RUBCN: variants seen among roughly 807,000 people sequenced by gnomAD.
The protein encoded by RUBCN is rubicon autophagy regulator.
Under a neutral mutation model 113.2 loss-of-function variants are expected in RUBCN, and 74 were observed. That is an observed-to-expected ratio of 0.65 (90% CI 0.54 to 0.79). RUBCN has a LOEUF of 0.79. RUBCN is among the 30% of genes least tolerant of loss of function. The probability of loss-of-function intolerance (pLI) is 0.00; values close to 1 mark genes in which losing one functional copy is unlikely to be tolerated. For synonymous variants in RUBCN, 480 were observed against 490.0 expected (o/e 0.98, Z 0.27); for missense variants, 1,109 against 1,251.7 (o/e 0.89, Z 1.72).
At chr3:197,728,458 A>ACAGGGACACC (rs1223582141) in intron 1 of RUBCN, among the ~76,000 whole-genome samples, 4 of 152,220 alleles carry the variant, frequency 2.6e-5, no homozygotes, top group African/African-American at 9.7e-5. Context: ...GAATAATCAA[A>ACAGGGACACC]CAGGGACGGG....
chr3:197,717,547 A>G (rs1277748551), intron 2 of RUBCN, among the ~76,000 whole-genome samples: 2 of 152,030 alleles, frequency 1.3e-5, no homozygotes, highest in African/African-American at 4.8e-5. Flanking sequence ...AAACCTAGAG[A>G]AGCTGGAAAA....
At chr3:197,678,673 C>T (rs1475582412) in intron 16 of RUBCN, among the ~76,000 whole-genome samples, 2 of 151,014 alleles carry the variant, frequency 1.3e-5, no homozygotes, top group East Asian at 2.0e-4. Flanking sequence ...GATTGTCCTA[C>T]GCTCTGACAA....
At chr3:197,690,012 TCAA>T (rs1211146912) in intron 11 of RUBCN, among the ~76,000 whole-genome samples, 1 of 152,370 alleles carries the variant, frequency 6.6e-6, no homozygotes, top group Non-Finnish European at 1.5e-5. Context: ...CTCCATGAGA[TCAA>T]CTTTTTTAGC....
intron 1 of RUBCN, among the ~76,000 whole-genome samples, chr3:197,742,370 G>A (rs1042099827): frequency 1.3e-5 from 2 of 151,978 alleles, no homozygotes; most frequent in Non-Finnish European, 2.9e-5. Context: ...GCGGACGCCT[G>A]TAATCCCAGC....
At chr3:197,715,056 G>A (rs1212963562) in intron 2 of RUBCN, among the ~76,000 whole-genome samples, 12 of 152,172 alleles carry the variant, frequency 7.9e-5, no homozygotes, top group African/African-American at 2.6e-4. Context: ...TTGGGAGGTC[G>A]AGGCAGGCGG....
intron 2 of RUBCN, among the ~76,000 whole-genome samples, chr3:197,717,152 G>C (rs1275240015): frequency 6.6e-6 from 1 of 150,810 alleles, no homozygotes; most frequent in Non-Finnish European, 1.5e-5. Context: ...AGGGGGCAGA[G>C]AGCTGGGTGC....
intron 1 of RUBCN, among the ~76,000 whole-genome samples, chr3:197,719,059 T>A (rs1371436989): frequency 6.6e-6 from 1 of 152,200 alleles, no homozygotes; most frequent in Non-Finnish European, 1.5e-5. Flanking sequence ...TGACACAGTT[T>A]TCCCATGTGC....
chr3:197,701,049 G>T lies in RUBCN; in HGVS notation c.825C>A (p.Ala275=). Reference sequence around the variant, plus strand: ...CTAGTGCAGAGACTGAAACTGGGGGGGCTTGGATGGTTTGATCCTCTGCTG... The same window carrying T: ...CTAGTGCAGAGACTGAAACTGGGGGTGCTTGGATGGTTTGATCCTCTGCTG... The part of the protein sequence containing the change: ...VSPAEDQTIQ[A]PPVSVSALAR... The change falls in exon 7 of 20, where the codon GCC becomes GCA. Residue 275 remains alanine (A), a synonymous_variant. Transcript: ENST00000296343. 1.9e-6 allele frequency: 3 copies of T among 1,613,638 alleles called. No individual in the cohort carries two copies. The highest frequency in any genetic ancestry group is 2.5e-6 in the Non-Finnish European group (3 of 1,179,726).
intron 2 of RUBCN, among the ~76,000 whole-genome samples, chr3:197,709,203 G>A (rs114278192): frequency 0.011 from 1,695 of 152,216 alleles, 19 homozygotes; most frequent in South Asian, 0.02. Context: ...AATGATCCAG[G>A]TCATGTTGCA....
At chr3:197,747,796 C>T (rs1728813846) in intron 1 of RUBCN, among the ~76,000 whole-genome samples, 1 of 152,164 alleles carries the variant, frequency 6.6e-6, no homozygotes, top group Non-Finnish European at 1.5e-5. Flanking sequence ...ACTATTCTTA[C>T]TCCTTTTTCT....
chr3:197,677,401 A>G, intron 17 of RUBCN, 79 bp downstream of exon 17: 3 of 1,236,702 alleles, frequency 2.4e-6, no homozygotes, highest in Non-Finnish European at 3.6e-6. Context: ...TTCGTTACAT[A>G]ACAAGAGCCA....
intron 17 of RUBCN, 25 bp downstream of exon 17, chr3:197,677,455 G>A (rs780592897): frequency 2.5e-6 from 4 of 1,604,590 alleles, no homozygotes; most frequent in Non-Finnish European, 3.4e-6. Context: ...CGTGGCCAGA[G>A]GGCTCTAGCT....
rs1441711165 is a variant in RUBCN, at chr3:197,670,237, T to A, written c.*4781A>T. The stretch of plus-strand genomic sequence containing the variant: ...ATTTTGATGGTTGCATCAATTTTTT[T>A]ATTTTCCATTAACTTTTTACTTTCA... On this transcript the variant is annotated 3_prime_UTR_variant, in exon 20 of 20. Transcript: ENST00000296343. 6.6e-6 allele frequency among the ~76,000 whole-genome samples: 1 copy of A among 152,248 alleles called. No homozygotes were observed. Among genetic ancestry groups the A allele is most frequent in the African/African-American group, 2.4e-5 (1 of 41,458 alleles).
chr3:197,719,825 A>G (rs1725949099), intron 1 of RUBCN, among the ~76,000 whole-genome samples: 1 of 152,240 alleles, frequency 6.6e-6, no homozygotes, highest in South Asian at 2.1e-4. Context: ...TTTGATTGAT[A>G]CATAATTGTA....
intron 1 of RUBCN, among the ~76,000 whole-genome samples, chr3:197,731,630 C>G (rs1377573145): frequency 6.6e-6 from 1 of 151,472 alleles, no homozygotes; most frequent in Non-Finnish European, 1.5e-5. Context: ...GGCCTGACCC[C>G]CCCACCTCCC....
At chr3:197,730,885 C>CTTTTTTTTTTTTTTTTTT (rs71166707) in intron 1 of RUBCN, among the ~76,000 whole-genome samples, 4 of 49,996 alleles carry the variant, frequency 8.0e-5, no homozygotes, top group African/African-American at 1.6e-4. Context: ...TTAAAAGCAT[C>CTTTTTTTTTTTTTTTTTT]TTTTTTTTTT....
chr3:197,709,648 G>A (rs936273128), intron 2 of RUBCN, among the ~76,000 whole-genome samples: 2 of 152,054 alleles, frequency 1.3e-5, no homozygotes, highest in African/African-American at 4.8e-5. Context: ...CCAAAGTGCT[G>A]GGATTACAGG....
chr3:197,682,713 A>G, intron 13 of RUBCN, 98 bp from the exon 14 acceptor site: 1 of 1,526,630 alleles, frequency 6.6e-7, no homozygotes, highest in Non-Finnish European at 9.1e-7. Flanking sequence ...GGAGAAAAAC[A>G]CAGTTGGGGT....
chr3:197,705,165 C>T lies in RUBCN; in HGVS notation c.230G>A (p.Arg77His), dbSNP rs61743568. Residue 77 changes from arginine (R) to histidine (H), a missense_variant, in exon 3 of 20, where the codon CGC becomes CAC. This residue lies in a region of RUBCN where 736 missense variants were observed against 779.6 expected (regional missense o/e 0.94). Coordinates refer to ENST00000296343, the MANE Select transcript of RUBCN (RefSeq NM_014687.4). ...HGLIRDQACR[R>H]QTDYWQFVKD... ...CACGAACTGCCAGTAATCCGTCTGG[C>T]GGCGGCACGCCTGCAAAGGGAACAC... The T allele has an allele frequency of 0.079, 127,613 of 1,610,622 alleles. 5,547 individuals are homozygous for T. Among genetic ancestry groups the T allele is most frequent in the African/African-American group, 0.11 (8,263 of 74,936 alleles).
Sources: gnomAD v4.1 joint callset for allele counts (sites outside exome capture counted in the v4.1 genomes callset) on GRCh38, gnomAD v4.1.1 for gene constraint, gnomAD v4.1.1 regional missense constraint, MANE v1.5 for transcripts, NCBI Gene and HGNC (gene_info 2026-07-23, HGNC 2026-07-21) for gene names.